Variants in ZNF34 observed in about 807,000 individuals in gnomAD.
The protein encoded by ZNF34 is zinc finger protein 34.
ZNF34 carries 8 observed loss-of-function variants against 14.4 expected under a neutral mutation model. The observed-to-expected ratio is 0.55, with a 90% CI of 0.33 to 1.00. The LOEUF (loss-of-function observed/expected upper bound fraction) is 1.00, where lower values mean the gene tolerates loss of function less well. ZNF34 is among the 50% of genes least tolerant of loss of function. The pLI, the probability that ZNF34 is intolerant of heterozygous loss-of-function variation, is 0.03. For missense variants in ZNF34, 538 were observed against 674.2 expected (o/e 0.80, Z 2.24); for synonymous variants, 235 against 247.9 (o/e 0.95, Z 0.49).
Position 144,772,552 on chromosome 8 carries a change from T to G in ZNF34, c.*714A>C, listed in dbSNP as rs1227544790. Among the ~76,000 whole-genome samples the G allele has an allele frequency of 6.6e-6, 1 of 152,250 alleles. No individual in the cohort carries two copies. Among genetic ancestry groups the G allele is most frequent in the East Asian group, 1.9e-4 (1 of 5,202 alleles). On this transcript the variant is annotated 3_prime_UTR_variant, in exon 6 of 6. Coordinates refer to ENST00000429371, the MANE Select transcript of ZNF34 (RefSeq NM_001286769.2). ...ATGAATGTTAAGTTTGTTTCATTTA[T>G]TTTTTGAGACAGCGTCTCGCTCTGT...
rs1204303235 is a variant in ZNF34 at position 144,772,399 on chromosome 8, T to C, written c.*867A>G. Among the ~76,000 whole-genome samples, 1 of 152,188 alleles carries C rather than the reference T, an allele frequency of 6.6e-6. No individual in the cohort carries two copies. ...TTCTGGAAATACACAGTGATGATGG[T>C]TACACAACACCATGAATGTACTTAA... On this transcript the variant is annotated 3_prime_UTR_variant, in exon 6 of 6. Coordinates refer to ENST00000429371, the MANE Select transcript of ZNF34 (RefSeq NM_001286769.2).
intron 1 of ZNF34, among the ~76,000 whole-genome samples, chr8:144,783,307 TGTA>T (rs1826015718): frequency 6.6e-6 from 1 of 152,116 alleles, no homozygotes; most frequent in South Asian, 2.1e-4. Flanking sequence ...TAGAAGCACT[TGTA>T]GTAGATTCAG....
chr8:144,780,026 CAAAAA>C (rs10710060), intron 2 of ZNF34, among the ~76,000 whole-genome samples, 197 bp downstream of exon 2: 15 of 101,650 alleles, frequency 1.5e-4, no homozygotes, highest in African/African-American at 5.6e-4. Flanking sequence ...TTAATGCTAC[CAAAAA>C]AAAAAAAAAA....
intron 1 of ZNF34, among the ~76,000 whole-genome samples, chr8:144,783,628 A>G (rs1457558914): frequency 1.3e-5 from 2 of 152,206 alleles, no homozygotes; most frequent in Non-Finnish European, 2.9e-5. Context: ...TATACAGTAC[A>G]TTAAGTCTTA....
rs1022759093 is a variant in ZNF34, at chr8:144,772,834, C to T, written c.*432G>A. ...GTATTACAGGCATGAGCCACCACAC[C>T]TGGCCGATGCTTTTAAATTTACAAT... is the stretch of plus-strand genomic sequence containing the variant. On this transcript the variant is annotated 3_prime_UTR_variant, in exon 6 of 6. Coordinates refer to ENST00000429371, the MANE Select transcript of ZNF34 (RefSeq NM_001286769.2). 3.9e-5 allele frequency among the ~76,000 whole-genome samples: 6 copies of T among 152,222 alleles called. No individual in the cohort carries two copies. The East Asian group carries it at 5.8e-4, about 15-fold the overall frequency.
intron 1 of ZNF34, among the ~76,000 whole-genome samples, chr8:144,780,992 C>T (rs888756236): frequency 5.3e-5 from 8 of 150,694 alleles, no homozygotes; most frequent in Non-Finnish European, 5.9e-5. Context: ...AAAAATTAGC[C>T]GGGCGTGGTG....
rs1418524940 is a variant in ZNF34, at chr8:144,777,731, A to C, written c.161-154T>G. On this transcript the variant is annotated intron_variant, in intron 4 of 5. Coordinates refer to ENST00000429371, the MANE Select transcript of ZNF34 (RefSeq NM_001286769.2). This position sits in a 1 kb window ranked among gnomAD's most constrained non-coding sequence, Gnocchi z 4.8. ...GAGGGCACTGAGATTGGGCTGGGGC[A>C]GTCCTGAGCATAAGGGAATGAGAGC... 6.6e-6 allele frequency among the ~76,000 whole-genome samples: 1 copy of C among 152,076 alleles called. No individual in the cohort carries two copies. The highest frequency in any genetic ancestry group is 6.5e-5 in the Admixed American group (1 of 15,270).
Position 144,774,155 on chromosome 8 carries a change from T to C in ZNF34, c.731A>G (p.Asn244Ser). Residue 244 changes from asparagine to serine, a missense_variant, in exon 6 of 6, where the codon AAC (asparagine) becomes AGC (serine). Asn to Ser is a conservative substitution (Grantham distance 46). Transcript: ENST00000429371. ...GTGAAGCCGCTGATGCTTGACAAGG[T>C]TGGCACTGTACCTGAATGTTTTCCC... ...YCGKTFRYSA[N>S]LVKHQRLHTE... is the part of the protein sequence containing the mutation. 1 of 1,614,056 alleles carries C rather than the reference T, an allele frequency of 6.2e-7. No individual in the cohort carries two copies. The highest frequency in any genetic ancestry group is 8.5e-7 in the Non-Finnish European group (1 of 1,179,906).
chr8:144,786,241 G>A (rs968559724), intron 1 of ZNF34, among the ~76,000 whole-genome samples: 8 of 152,000 alleles, frequency 5.3e-5, no homozygotes, highest in Non-Finnish European at 8.8e-5. Flanking sequence ...CCCGCGCCTT[G>A]GCCTCCCAAA....
chr8:144,783,202 C>T (rs534232855), intron 1 of ZNF34, among the ~76,000 whole-genome samples: 1 of 152,124 alleles, frequency 6.6e-6, no homozygotes, highest in Non-Finnish European at 1.5e-5. Context: ...GATCACTTGA[C>T]CCTGGGAAGC....
intron 1 of ZNF34, among the ~76,000 whole-genome samples, chr8:144,781,090 G>A (rs564449386): frequency 2.7e-5 from 4 of 150,234 alleles, no homozygotes; most frequent in Admixed American, 6.7e-5. Context: ...AGCTGAGATC[G>A]CACCACTGCA....
chr8:144,784,698 C>T (rs539104503), intron 1 of ZNF34, among the ~76,000 whole-genome samples: 2 of 151,942 alleles, frequency 1.3e-5, no homozygotes, highest in South Asian at 4.1e-4. Context: ...GCGGAGGTTG[C>T]AGTGAGCCAA....
chr8:144,773,963 T>C lies in ZNF34; in HGVS notation c.923A>G (p.His308Arg), dbSNP rs1301188994. 1.2e-6 allele frequency: 2 copies of C among 1,614,180 alleles called. No homozygotes were observed. Among genetic ancestry groups the C allele is most frequent in the South Asian group, 2.2e-5 (2 of 91,086 alleles). The stretch of plus-strand genomic sequence containing the variant: ...ACACTTGTAGGGTTTCTCCCCAGTG[T>C]GAATCCTCTGGTGCTTCATGAGGTT... ...RPNLMKHQRI[H>R]TGEKPYKCGE... The change falls in exon 6 of 6, where the codon CAC becomes CGC. Residue 308 changes from histidine to arginine, a missense_variant. This residue lies in a region of ZNF34 where 431 missense variants were observed against 525.7 expected (regional missense o/e 0.82). Transcript: ENST00000429371. The surrounding 1 kb of genome is among the most constrained non-coding windows in gnomAD (Gnocchi z 5.4).
Position 144,778,483 on chromosome 8 carries a change from TG to T in ZNF34, c.-13del. ...AACAAGGCCGCCATTGCCTGAGGGT[TG>T]GGCTTTCTGAGGGCAGTGAGCAGGA... On this transcript the variant is annotated 5_prime_UTR_variant, in exon 3 of 6. Transcript: ENST00000429371. 1.9e-6 allele frequency: 3 copies of T among 1,592,324 alleles called. No homozygotes were observed. The highest frequency in any genetic ancestry group is 2.6e-6 in the Non-Finnish European group (3 of 1,169,748).
Position 144,773,361 on chromosome 8 carries a change from G to A in ZNF34, c.1525C>T (p.Pro509Ser). 1 of 1,614,220 alleles carries A rather than the reference G, an allele frequency of 6.2e-7. No homozygotes were observed. The highest frequency in any genetic ancestry group is 8.5e-7 in the Non-Finnish European group (1 of 1,180,044). ...QHRRIHTGEK[P>S]YKCSECGKAF... is the part of the protein sequence containing the mutation. Reference sequence around the variant, plus strand: ...TTCCCACACTCGCTGCACTTGTAGGGCTTCTCCCCGGTGTGGATCCTCCGG... The same window carrying A: ...TTCCCACACTCGCTGCACTTGTAGGACTTCTCCCCGGTGTGGATCCTCCGG... Residue 509 changes from proline to serine, a missense_variant, in exon 6 of 6, where the codon CCC becomes TCC. Pro to Ser is a moderately conservative substitution (Grantham distance 74, BLOSUM62 -1). Around this residue, in one of 3 missense-constraint regions of ZNF34, gnomAD observed 101 missense variants for 123.1 expected, o/e 0.82. Transcript: ENST00000429371. This position sits in a 1 kb window ranked among gnomAD's most constrained non-coding sequence, Gnocchi z 5.4.
intron 5 of ZNF34, among the ~76,000 whole-genome samples, chr8:144,776,495 G>A (rs1825524791): frequency 6.6e-6 from 1 of 152,178 alleles, no homozygotes; most frequent in African/African-American, 2.4e-5. Flanking sequence ...AGCTACTCAG[G>A]AGGCTGAGGC....
Position 144,779,942 on chromosome 8 carries a change from G to A in ZNF34, c.-55+286C>T, listed in dbSNP as rs563743942. 2.0e-5 allele frequency among the ~76,000 whole-genome samples: 3 copies of A among 151,196 alleles called. No homozygotes were observed. The highest frequency in any genetic ancestry group is 1.9e-4 in the East Asian group (1 of 5,138). ...GGTGGCTCACACCTGTAATCCTAGC[G>A]CTTTGGGAGGCTGAGGCGGGAGGAC... On this transcript the variant is annotated intron_variant, in intron 2 of 5. Transcript: ENST00000429371. The surrounding 1 kb of genome is among the most constrained non-coding windows in gnomAD (Gnocchi z 4.1).
intron 1 of ZNF34, among the ~76,000 whole-genome samples, chr8:144,786,096 T>A (rs1427683405): frequency 1.3e-5 from 2 of 149,102 alleles, no homozygotes; most frequent in African/African-American, 2.5e-5. Context: ...GTCATTCTCC[T>A]GCCTCAGCCT....
intron 1 of ZNF34, chr8:144,785,173 C>T (rs1235155874): frequency 2.7e-5 from 4 of 148,436 alleles, no homozygotes; most frequent in Non-Finnish European, 5.9e-5. Flanking sequence ...AAAAGGCAAG[C>T]AGACAAGCTG....
Sources: allele counts gnomAD v4.1 joint callset (sites outside exome capture counted in the v4.1 genomes callset), GRCh38; gene constraint gnomAD v4.1.1; regional missense constraint gnomAD v4.1.1; non-coding constraint Gnocchi (gnomAD v3.1); transcripts MANE v1.5; gene names NCBI Gene and HGNC (gene_info 2026-07-23, HGNC 2026-07-21).